The following SP2 variants were observed in gnomAD, a reference collection of about 807,000 sequenced individuals.
SP2 encodes Sp2 transcription factor.
SP2 carries 9 observed loss-of-function variants against 50.1 expected under a neutral mutation model. The ratio of observed to expected loss-of-function variants is 0.18; its 90% confidence interval spans 0.11 to 0.31. SP2 has a LOEUF of 0.31. SP2 is among the 10% of genes least tolerant of loss of function. SP2 has a pLI of 1.00. For synonymous variants in SP2, 313 were observed against 326.6 expected, an observed-to-expected ratio of 0.96 and a Z score of 0.45; for missense variants, 581 against 806.5, an observed-to-expected ratio of 0.72 and a Z score of 3.39.
At position 47,927,803 on chromosome 17, in the gene SP2, C is replaced by T. The variant is rs139713662; in HGVS notation, c.1821C>T (p.His607=). ...ACCTCACCAAGCATTACAAGACCCA[C>T]CTGGTCACGAAGAACTTGTAAGGCC... ...SDHLTKHYKT[H]LVTKNL is the part of the protein sequence containing the mutation. The change falls in exon 7 of 7, where the codon CAC becomes CAT. Residue 607 remains histidine, a synonymous_variant. Coordinates refer to ENST00000376741, the MANE Select transcript of SP2 (RefSeq NM_003110.6). The T allele has an allele frequency of 1.7e-5, 27 of 1,594,586 alleles. No individual in the cohort carries two copies. In the African/African-American group the frequency reaches 2.9e-4, roughly 17 times the overall value.
chr17:47,927,101 A>G (rs2035679729), intron 6 of SP2, among the ~76,000 whole-genome samples: 1 of 152,196 alleles, frequency 6.6e-6, no homozygotes, highest in Non-Finnish European at 1.5e-5. Flanking sequence ...AGTCAGAGGG[A>G]CAAAAGAAGA....
At chr17:47,926,076 C>G (rs1336799726) in intron 6 of SP2, among the ~76,000 whole-genome samples, 1 of 151,832 alleles carries the variant, frequency 6.6e-6, no homozygotes, top group African/African-American at 2.4e-5. Flanking sequence ...ACCACCACAC[C>G]CAGCTAATTT....
In SP2 at chr17:47,916,194, A is replaced by G. The variant is rs1318261081; in HGVS notation, c.123A>G (p.Thr41=). The stretch of plus-strand genomic sequence containing the variant: ...CTCCCTTAGCCCTGCTTGCTGCAAC[A>G]TGTAGCAAAATTGGCCCTCCAGCAG... ...QPSPLALLAA[T]CSKIGPPAVE... is the part of the protein sequence containing the mutation. Residue 41 remains threonine, a synonymous_variant, in exon 3 of 7, where the codon ACA becomes ACG. Coordinates refer to ENST00000376741, the MANE Select transcript of SP2 (RefSeq NM_003110.6). This position sits in a 1 kb window ranked among gnomAD's most constrained non-coding sequence, Gnocchi z 4.7. The G allele has an allele frequency of 1.2e-6, 2 of 1,613,488 alleles. No individual in the cohort carries two copies. Among genetic ancestry groups the G allele is most frequent in the South Asian group, 2.2e-5 (2 of 91,014 alleles).
intron 6 of SP2, among the ~76,000 whole-genome samples, chr17:47,926,132 G>T (rs1454900493): frequency 6.6e-6 from 1 of 151,266 alleles, no homozygotes. Context: ...GGCCAGGCTG[G>T]TCTCGAACCC....
At chr17:47,921,358 C>T (rs1598160062) in intron 3 of SP2, among the ~76,000 whole-genome samples, 1 of 152,228 alleles carries the variant, frequency 6.6e-6, no homozygotes, top group African/African-American at 2.4e-5. Context: ...AAGCAGTTCT[C>T]CTGCCTCAGC....
At chr17:47,900,168 G>A (rs2143762853) in intron 1 of SP2, 2 of 152,320 alleles carry the variant, frequency 1.3e-5, no homozygotes, top group South Asian at 4.1e-4. Flanking sequence ...GGCTCAGGAG[G>A]AGCCAGCAGA....
intron 3 of SP2, among the ~76,000 whole-genome samples, chr17:47,920,236 C>T (rs1047446489): frequency 2.0e-5 from 3 of 152,026 alleles, no homozygotes; most frequent in Non-Finnish European, 4.4e-5. Context: ...CTGCCTCAGC[C>T]TCCCGAATAG....
intron 6 of SP2, 81 bp from the exon 7 acceptor site, chr17:47,927,643 C>T: frequency 1.1e-6 from 1 of 885,626 alleles, no homozygotes; most frequent in Non-Finnish European, 1.8e-6. Context: ...ATTGGGTGCA[C>T]CTCACACGCA....
intron 1 of SP2, 49 bp from the exon 2 acceptor site, chr17:47,915,263 G>T: frequency 1.5e-6 from 2 of 1,331,886 alleles, no homozygotes; most frequent in Non-Finnish European, 2.1e-6. Flanking sequence ...GTGGGCTTGC[G>T]TTCTTTTTGG....
chr17:47,908,993 T>C (rs1216709198), intron 1 of SP2, among the ~76,000 whole-genome samples: 2 of 152,196 alleles, frequency 1.3e-5, no homozygotes, highest in Non-Finnish European at 2.9e-5. Flanking sequence ...AGGCAACTGA[T>C]TTTCATCTTT....
At chr17:47,900,230 G>A (rs1413372149) in intron 1 of SP2, 1 of 152,224 alleles carries the variant, frequency 6.6e-6, no homozygotes, top group African/African-American at 2.4e-5. Context: ...TCTCTTTGGG[G>A]TTGTCACCTC....
intron 1 of SP2, among the ~76,000 whole-genome samples, chr17:47,913,696 C>T (rs2035079521): frequency 6.6e-6 from 1 of 152,166 alleles, no homozygotes; most frequent in Admixed American, 6.5e-5. Flanking sequence ...GCATGAGCTA[C>T]TGTACCTAGC....
chr17:47,920,737 T>C (rs954619920), intron 3 of SP2, among the ~76,000 whole-genome samples: 5 of 152,210 alleles, frequency 3.3e-5, no homozygotes, highest in East Asian at 3.8e-4. Context: ...TTGGCTCTTA[T>C]ATCCCTCTGA....
intron 1 of SP2, among the ~76,000 whole-genome samples, chr17:47,915,041 C>G (rs987476105): frequency 1.3e-5 from 2 of 152,042 alleles, no homozygotes; most frequent in Admixed American, 1.3e-4. Context: ...TGTGAAACCT[C>G]TGTCTCTACT....
intron 1 of SP2, among the ~76,000 whole-genome samples, chr17:47,900,821 A>G (rs999997250): frequency 6.6e-6 from 1 of 152,208 alleles, no homozygotes; most frequent in African/African-American, 2.4e-5. Context: ...AAATGTGGGG[A>G]GTGACTCACA....
intron 1 of SP2, chr17:47,909,684 A>G (rs1312115386): frequency 4.1e-6 from 4 of 983,902 alleles, no homozygotes; most frequent in Non-Finnish European, 4.8e-6. Flanking sequence ...GAGGAGGCTA[A>G]GAGGGACCAT....
At chr17:47,919,890 G>A (rs1598155320) in intron 3 of SP2, among the ~76,000 whole-genome samples, 2 of 140,038 alleles carry the variant, frequency 1.4e-5, no homozygotes, top group East Asian at 4.3e-4. Context: ...CCAGGCTGGA[G>A]TGCAGTGGCA....
Position 47,916,775 on chromosome 17 carries a change from G to A in SP2, c.704G>A (p.Ser235Asn). 6.2e-7 allele frequency: 1 copy of A among 1,613,616 alleles called. No individual in the cohort carries two copies. Among genetic ancestry groups the A allele is most frequent in the Non-Finnish European group, 8.5e-7 (1 of 1,179,644 alleles). The stretch of plus-strand genomic sequence containing the variant: ...GCCCCTACTCAGCTCCTCACTGAAA[G>A]CCCCCCAACCCCGCTGTCTAAGACT... ...TGAPTQLLTE[S>N]PPTPLSKTNK... Residue 235 changes from serine (S) to asparagine (N), a missense_variant, in exon 3 of 7, where the codon AGC (serine) becomes AAC (asparagine). Physicochemically the swap from Ser to Asn is conservative, Grantham distance 46 (BLOSUM62 1). Transcript: ENST00000376741. This position sits in a 1 kb window ranked among gnomAD's most constrained non-coding sequence, Gnocchi z 4.7.
chr17:47,930,029 CTCT>C (rs1176559422), downstream of SP2: 2 of 152,240 alleles, frequency 1.3e-5, no homozygotes, highest in Non-Finnish European at 2.9e-5. Context: ...TGCCCTTTCC[CTCT>C]TCTTTGTTAA....
Sources: allele counts gnomAD v4.1 joint callset (sites outside exome capture counted in the v4.1 genomes callset), GRCh38; gene constraint gnomAD v4.1.1; non-coding constraint Gnocchi (gnomAD v3.1); transcripts MANE v1.5; gene names NCBI Gene and HGNC (gene_info 2026-07-23, HGNC 2026-07-21).